SSH2: variants seen among roughly 807,000 people sequenced by gnomAD.
SSH2 encodes the protein protein phosphatase Slingshot homolog 2.
Under a neutral mutation model 135.2 loss-of-function variants are expected in SSH2, and 37 were observed. That is an observed-to-expected ratio of 0.27 (90% confidence interval 0.21 to 0.36). The LOEUF is 0.36. SSH2 is among the 10% of genes least tolerant of loss of function. The pLI is 1.00. For missense variants in SSH2, 1,408 were observed against 1,765.3 expected, an observed-to-expected ratio of 0.80 and a Z score of 3.63; for synonymous variants, 628 against 646.2, an observed-to-expected ratio of 0.97 and a Z score of 0.43.
At position 29,648,259 on chromosome 17, in the gene SSH2, A is replaced by G; in HGVS notation, c.1312T>C (p.Tyr438His). 6.2e-7 allele frequency: 1 copy of G among 1,614,196 alleles called. No homozygotes were observed. Among genetic ancestry groups the G allele is most frequent in the Non-Finnish European group, 8.5e-7 (1 of 1,180,046 alleles). The change falls in exon 14 of 16, where the codon TAT (tyrosine) becomes CAT (histidine). Residue 438 changes from tyrosine (Y) to histidine (H), a missense_variant. Around this residue, in one of 3 missense-constraint regions of SSH2, gnomAD observed 106 missense variants for 265.2 expected, o/e 0.40. Transcript: ENST00000540801. ...STVIAYAMKE[Y>H]GWNLDRAYDY... is the part of the protein sequence containing the mutation. Reference sequence around the variant, plus strand: ...TAGGCTCGGTCCAGATTCCAGCCATATTCCTTCATTGCATAGGCAATCACG... The same window carrying G: ...TAGGCTCGGTCCAGATTCCAGCCATGTTCCTTCATTGCATAGGCAATCACG...
At chr17:29,737,098 CAAAAAAAAAAAAA>C (rs59098464) in intron 3 of SSH2, among the ~76,000 whole-genome samples, 5 of 63,404 alleles carry the variant, frequency 7.9e-5, no homozygotes, top group Admixed American at 2.5e-4. Flanking sequence ...GACTCTGTCT[CAAAAAAAAAAAAA>C]AAAAAAAAAA....
At chr17:29,923,379 G>C (rs911368316) in intron 1 of SSH2, among the ~76,000 whole-genome samples, 6 of 152,028 alleles carry the variant, frequency 3.9e-5, no homozygotes, top group Non-Finnish European at 8.8e-5. Context: ...AGCATTTTGG[G>C]AGGCTGTCGT....
chr17:29,699,082 C>T (rs2151114468), intron 4 of SSH2, among the ~76,000 whole-genome samples: 1 of 152,296 alleles, frequency 6.6e-6, no homozygotes, highest in African/African-American at 2.4e-5. Flanking sequence ...TACTGGGCAA[C>T]TGTTCTTCAC....
Position 29,631,401 on chromosome 17 carries a change from T to C in SSH2, c.3793A>G (p.Ile1265Val), listed in dbSNP as rs779760545. Reference sequence around the variant, plus strand: ...GCCTGGAAAACCACTCGAGACTCGATTTCTTTAGCACGCTCCTTCACCACA... The same window carrying C: ...GCCTGGAAAACCACTCGAGACTCGACTTCTTTAGCACGCTCCTTCACCACA... Reference protein sequence around the residue: ...PGVVKERAKEIESRVVFQAGL... With the variant: ...PGVVKERAKEVESRVVFQAGL... Residue 1265 changes from isoleucine to valine, a missense_variant, in exon 16 of 16, where the codon ATC (isoleucine) becomes GTC (valine). By Grantham distance (29) the Ile-to-Val change is conservative (BLOSUM62 3). Coordinates refer to ENST00000540801, the MANE Select transcript of SSH2 (RefSeq NM_001282129.2). 1 of 1,614,122 alleles carries C rather than the reference T, an allele frequency of 6.2e-7. No individual in the cohort carries two copies. Among genetic ancestry groups the C allele is most frequent in the South Asian group, 1.1e-5 (1 of 91,074 alleles).
At chr17:29,676,702 T>G in intron 8 of SSH2, 118 bp downstream of exon 8, 3 of 825,124 alleles carry the variant, frequency 3.6e-6, no homozygotes, top group Middle Eastern at 4.7e-4. Context: ...CTACGATGGT[T>G]ATACAAACAG....
At chr17:29,701,712 A>G (rs2038991223) in intron 4 of SSH2, among the ~76,000 whole-genome samples, 1 of 151,790 alleles carries the variant, frequency 6.6e-6, no homozygotes, top group East Asian at 2.0e-4. Context: ...CTGAGATTAC[A>G]GCAGTGTACC....
At chr17:29,847,555 C>T (rs941895993) in intron 2 of SSH2, among the ~76,000 whole-genome samples, 2 of 152,148 alleles carry the variant, frequency 1.3e-5, no homozygotes, top group Non-Finnish European at 2.9e-5. Context: ...GTTTTCCTGA[C>T]CCACAACTCT....
intron 1 of SSH2, among the ~76,000 whole-genome samples, chr17:29,868,737 CAAAAA>C (rs10670727): frequency 8.3e-6 from 1 of 120,186 alleles, no homozygotes; most frequent in Admixed American, 8.4e-5. Flanking sequence ...GACTCCACCT[CAAAAA>C]AAAAAAAAAA....
At chr17:29,694,681 A>G (rs115716213) in intron 5 of SSH2, among the ~76,000 whole-genome samples, 3,126 of 152,238 alleles carry the variant, frequency 0.021, 111 homozygotes, top group African/African-American at 0.069. Context: ...AAAGAGGATT[A>G]TGGTAAATTA....
intron 1 of SSH2, among the ~76,000 whole-genome samples, chr17:29,877,911 T>C (rs1287117466): frequency 2.0e-5 from 3 of 152,034 alleles, no homozygotes; most frequent in African/African-American, 7.2e-5. Context: ...ATTAAGACCC[T>C]GTCTCTACAA....
intron 11 of SSH2, among the ~76,000 whole-genome samples, chr17:29,665,753 C>A (rs1203510338): frequency 6.6e-6 from 1 of 152,214 alleles, no homozygotes; most frequent in Admixed American, 6.5e-5. Flanking sequence ...AAAACTCTAA[C>A]ACTTGAGAGA....
intron 1 of SSH2, among the ~76,000 whole-genome samples, chr17:29,907,122 CATT>C (rs1383268915): frequency 6.6e-6 from 1 of 152,132 alleles, no homozygotes; most frequent in Non-Finnish European, 1.5e-5. Context: ...AAATGCCCAT[CATT>C]GATAGACTGG....
In SSH2 at chr17:29,930,228, T is replaced by A. The variant is rs746346775; in HGVS notation, c.-228A>T. ...GCGGTTCCGCAGCTGCGGGGCACAA[T>A]GAGCGCTCCCAGTGCGCAGGCGCCA... On this transcript the variant is annotated 5_prime_UTR_variant, in exon 1 of 16. Transcript: ENST00000540801. 3.1e-4 allele frequency: 170 copies of A among 549,334 alleles called. No individual in the cohort carries two copies. The highest frequency in any genetic ancestry group is 3.3e-4 in the Non-Finnish European group (101 of 310,648). 34.0% of individuals were successfully genotyped at this position (549,334 alleles called of 1,614,324 possible). A position where few individuals can be genotyped will look rare whatever the true frequency, so the allele number is the denominator to read the frequency against.
intron 3 of SSH2, among the ~76,000 whole-genome samples, chr17:29,755,467 C>A (rs941479193): frequency 1.3e-5 from 2 of 151,898 alleles, no homozygotes; most frequent in African/African-American, 4.8e-5. Flanking sequence ...AACATAATTA[C>A]CAATAAAATA....
At chr17:29,719,437 G>A (rs1329520503) in intron 3 of SSH2, among the ~76,000 whole-genome samples, 1 of 151,236 alleles carries the variant, frequency 6.6e-6, no homozygotes, top group African/African-American at 2.4e-5. Context: ...ACTTGAACCC[G>A]AGAGGTGGAG....
intron 1 of SSH2, among the ~76,000 whole-genome samples, chr17:29,898,457 G>A (rs1403631393): frequency 1.3e-5 from 2 of 152,052 alleles, no homozygotes; most frequent in Admixed American, 6.6e-5. Context: ...TATCACCACC[G>A]ATCCCACAGA....
intron 14 of SSH2, among the ~76,000 whole-genome samples, chr17:29,642,572 C>T (rs535141984): frequency 6.6e-6 from 1 of 151,924 alleles, no homozygotes; most frequent in South Asian, 2.1e-4. Context: ...GACACCACCC[C>T]CCCCACCGCC....
Position 29,672,017 on chromosome 17 carries a change from C to G in SSH2, c.727G>C (p.Asp243His). ...VSYYESHINS[D>H]QSSVNEWNAM... ...TTCCATTCATTGACTGAGGATTGATCTGAGTTGATATGGCTCTCATAATAA... is the reference window on the plus strand; with the variant it reads ...TTCCATTCATTGACTGAGGATTGATGTGAGTTGATATGGCTCTCATAATAA... Residue 243 changes from aspartate to histidine, a missense_variant, in exon 9 of 16, where the codon GAT becomes CAT. By Grantham distance (81) the Asp-to-His change is moderately conservative (BLOSUM62 -1). This residue lies in a region of SSH2 where 222 missense variants were observed against 355.6 expected (regional missense o/e 0.62). Transcript: ENST00000540801. 1 of 1,614,140 alleles carries G rather than the reference C, an allele frequency of 6.2e-7. No homozygotes were observed. Among genetic ancestry groups the G allele is most frequent in the Non-Finnish European group, 8.5e-7 (1 of 1,180,026 alleles).
intron 1 of SSH2, among the ~76,000 whole-genome samples, chr17:29,888,249 C>G (rs2066277993): frequency 6.6e-6 from 1 of 151,892 alleles, no homozygotes; most frequent in South Asian, 2.1e-4. Flanking sequence ...TCCACCCTAC[C>G]CCCAGAAAGA....
Sources: allele counts gnomAD v4.1 joint callset (sites outside exome capture counted in the v4.1 genomes callset), GRCh38; gene constraint gnomAD v4.1.1; regional missense constraint gnomAD v4.1.1; transcripts MANE v1.5; gene names NCBI Gene and HGNC (gene_info 2026-07-23, HGNC 2026-07-21).